Variants in GLI3 observed in about 807,000 individuals in gnomAD.
GLI3 encodes the protein GLI family zinc finger 3.
Under a neutral mutation model 100.8 loss-of-function variants are expected in GLI3, and 20 were observed. The observed-to-expected ratio is 0.20, with a 90% CI of 0.14 to 0.29. The LOEUF (loss-of-function observed/expected upper bound fraction) is 0.29, where lower values mean the gene tolerates loss of function less well. Among genes scored for constraint, GLI3 ranks in the 10% least tolerant of loss-of-function variants. The pLI is 1.00. For synonymous variants in GLI3, 938 were observed against 860.5 expected (o/e 1.09, Z -1.58); for missense variants, 2,040 against 2,128.5 (o/e 0.96, Z 0.82).
Position 42,026,195 on chromosome 7 carries a change from T to C in GLI3, c.1242+4A>G. The C allele has an allele frequency of 6.2e-7, 1 of 1,607,938 alleles. No individual in the cohort carries two copies. The highest frequency in any genetic ancestry group is 1.3e-5 in the African/African-American group (1 of 74,884). On this transcript the variant is annotated splice_donor_region_variant and intron_variant, in intron 8 of 14. Transcript: ENST00000395925. ...GGCCGGGTGCATCGACCTGTCCCTC[T>C]CACCTGTGAGGACTCAGAAGGGCCG... is the stretch of plus-strand genomic sequence containing the variant.
intron 3 of GLI3, among the ~76,000 whole-genome samples, chr7:42,093,271 C>T (rs1416268300): frequency 1.3e-5 from 2 of 149,704 alleles, no homozygotes; most frequent in Non-Finnish European, 3.0e-5. Flanking sequence ...CCCAGCTAGT[C>T]GGGAGGCTGA....
At chr7:41,989,293 A>C (rs1227061326) in intron 10 of GLI3, among the ~76,000 whole-genome samples, 1 of 152,246 alleles carries the variant, frequency 6.6e-6, no homozygotes. Context: ...ACCATTCTCC[A>C]AAGAGGCACC....
At chr7:42,190,738 TA>T (rs1339326672) in intron 2 of GLI3, among the ~76,000 whole-genome samples, 1 of 152,006 alleles carries the variant, frequency 6.6e-6, no homozygotes, top group African/African-American at 2.4e-5. Flanking sequence ...AAAGAAAAAC[TA>T]AAAGTCAAAA....
chr7:42,240,832 G>A (rs79215943), upstream of GLI3, among the ~76,000 whole-genome samples: 522 of 152,300 alleles, frequency 3.4e-3, 4 homozygotes, highest in African/African-American at 0.012. Flanking sequence ...TGAAGGATAC[G>A]CAAGAGAGAG....
At chr7:42,063,185 T>G (rs1450700640) in intron 4 of GLI3, among the ~76,000 whole-genome samples, 1 of 152,202 alleles carries the variant, frequency 6.6e-6, no homozygotes, top group Non-Finnish European at 1.5e-5. Flanking sequence ...TTTTTAACTT[T>G]ACATTCTTGC....
At chr7:42,251,033 C>A (rs1467878118) in intron 1 of GLI3, among the ~76,000 whole-genome samples, 1 of 152,048 alleles carries the variant, frequency 6.6e-6, no homozygotes, top group Admixed American at 6.6e-5. Flanking sequence ...GTTGATGGAA[C>A]CATAATTTCT....
intron 6 of GLI3, 99 bp from the exon 7 acceptor site, chr7:42,040,338 G>T: frequency 1.1e-6 from 1 of 906,642 alleles, no homozygotes. Flanking sequence ...AGGATAAGAA[G>T]CTGGCAACTT....
At chr7:42,098,069 G>A (rs1785380373) in intron 3 of GLI3, among the ~76,000 whole-genome samples, 1 of 152,030 alleles carries the variant, frequency 6.6e-6, no homozygotes, top group Non-Finnish European at 1.5e-5. Context: ...GAAGAGTGAG[G>A]ACCTAAAGCC....
intron 3 of GLI3, among the ~76,000 whole-genome samples, chr7:42,121,031 C>G (rs911486628): frequency 3.3e-5 from 5 of 152,226 alleles, no homozygotes; most frequent in Non-Finnish European, 7.3e-5. Context: ...GCTCCTGCAT[C>G]TAAATTCCTG....
intron 3 of GLI3, among the ~76,000 whole-genome samples, chr7:42,119,378 T>A (rs1014129415): frequency 2.0e-5 from 3 of 152,102 alleles, no homozygotes; most frequent in African/African-American, 2.4e-5. Context: ...TCCCAAACCA[T>A]CCTTGCCAGC....
rs183661858 is a variant in GLI3, at chr7:42,078,086, C to T, written c.368-1229G>A. On this transcript the variant is annotated intron_variant, in intron 3 of 14. Coordinates refer to ENST00000395925, the MANE Select transcript of GLI3 (RefSeq NM_000168.6). Reference sequence around the variant, plus strand: ...CAATTCCAATGGGGCCTTCTCTCAGCGGACAGGTTCTGATCGACCACCTAA... The same window carrying T: ...CAATTCCAATGGGGCCTTCTCTCAGTGGACAGGTTCTGATCGACCACCTAA... 6.3e-3 allele frequency among the ~76,000 whole-genome samples: 967 copies of T among 152,300 alleles called. 6 individuals are homozygous for T. The highest frequency in any genetic ancestry group is 0.017 in the Middle Eastern group (5 of 294).
intron 7 of GLI3, among the ~76,000 whole-genome samples, 164 bp downstream of exon 7, chr7:42,039,874 T>C (rs1046377769): frequency 2.0e-5 from 3 of 152,252 alleles, no homozygotes; most frequent in Non-Finnish European, 2.9e-5. Context: ...TAACTGGTTT[T>C]GCAATTCATT....
chr7:42,143,779 T>A (rs1175669423), intron 3 of GLI3, among the ~76,000 whole-genome samples: 1 of 152,238 alleles, frequency 6.6e-6, no homozygotes, highest in Admixed American at 6.5e-5. Flanking sequence ...TCAAAGCATT[T>A]GCATGGAAGA....
At chr7:42,155,590 T>G (rs1786983368) in intron 2 of GLI3, among the ~76,000 whole-genome samples, 3 of 152,204 alleles carry the variant, frequency 2.0e-5, no homozygotes, top group Non-Finnish European at 1.5e-5. Context: ...GGAAACCATT[T>G]GCTCCAAAGA....
upstream of GLI3, among the ~76,000 whole-genome samples, chr7:42,238,582 C>G (rs1043563858): frequency 4.6e-5 from 7 of 152,320 alleles, no homozygotes; most frequent in Non-Finnish European, 8.8e-5. Flanking sequence ...GGCTTGGAGC[C>G]TGGTCTCTAA....
intron 3 of GLI3, among the ~76,000 whole-genome samples, chr7:42,097,768 ACGTT>A (rs1480013347): frequency 3.3e-5 from 5 of 152,164 alleles, no homozygotes; most frequent in African/African-American, 1.2e-4. Flanking sequence ...TTATGAGCCT[ACGTT>A]CCTCTCCATG....
intron 2 of GLI3, among the ~76,000 whole-genome samples, chr7:42,178,111 A>T (rs1787516903): frequency 6.6e-6 from 1 of 152,208 alleles, no homozygotes; most frequent in Non-Finnish European, 1.5e-5. Flanking sequence ...TCTGGGCCCA[A>T]GGGCCCAGCT....
chr7:42,078,104 C>A (rs1784918586), intron 3 of GLI3, among the ~76,000 whole-genome samples: 1 of 152,190 alleles, frequency 6.6e-6, no homozygotes, highest in South Asian at 2.1e-4. Flanking sequence ...TTCTGATCGA[C>A]CACCTAAGAA....
chr7:42,005,029 C>T (rs994276514), intron 10 of GLI3, among the ~76,000 whole-genome samples: 1 of 152,028 alleles, frequency 6.6e-6, no homozygotes, highest in African/African-American at 2.4e-5. Flanking sequence ...AAATTACACA[C>T]AACGATTCAG....
Sources: gnomAD v4.1 joint callset for allele counts (sites outside exome capture counted in the v4.1 genomes callset) on GRCh38, gnomAD v4.1.1 for gene constraint, MANE v1.5 for transcripts, NCBI Gene and HGNC (gene_info 2026-07-23, HGNC 2026-07-21) for gene names.